The following CMIP variants were observed in gnomAD, a reference collection of about 807,000 sequenced individuals.
CMIP encodes c-Maf inducing protein.
CMIP carries 13 observed loss-of-function variants against 97.3 expected under a neutral mutation model. That is an observed-to-expected ratio of 0.13 (90% CI 0.09 to 0.21). The LOEUF (loss-of-function observed/expected upper bound fraction) is 0.21, where lower values mean the gene tolerates loss of function less well. CMIP is among the 10% of genes least tolerant of loss of function. The pLI is 1.00. For missense variants in CMIP, 847 were observed against 1,024.9 expected, an observed-to-expected ratio of 0.83 and a Z score of 2.37; for synonymous variants, 538 against 436.3, an observed-to-expected ratio of 1.23 and a Z score of -2.91.
At chr16:81,645,781 G>T (rs931571225) in intron 3 of CMIP, 1 of 652,014 alleles carries the variant, frequency 1.5e-6, no homozygotes, top group African/African-American at 1.8e-5. Context: ...TACAGAACTT[G>T]GTAGGTGAAA....
intron 2 of CMIP, among the ~76,000 whole-genome samples, chr16:81,613,211 G>T (rs2091860120): frequency 6.6e-6 from 1 of 152,200 alleles, no homozygotes. Flanking sequence ...TTAGTTTCAA[G>T]GTGAGGTCTC....
At chr16:81,557,429 T>C (rs2090787450) in intron 1 of CMIP, among the ~76,000 whole-genome samples, 1 of 152,246 alleles carries the variant, frequency 6.6e-6, no homozygotes. Context: ...CTCTTCGTTC[T>C]TTTTTTCTAA....
At chr16:81,452,344 A>T (rs1419240980) in intron 1 of CMIP, among the ~76,000 whole-genome samples, 2 of 152,086 alleles carry the variant, frequency 1.3e-5, no homozygotes, top group African/African-American at 4.8e-5. Context: ...CTTAGCATTG[A>T]TGTCAGGGTA....
chr16:81,522,012 G>T (rs2090038268), intron 1 of CMIP, among the ~76,000 whole-genome samples: 1 of 152,302 alleles, frequency 6.6e-6, no homozygotes, highest in East Asian at 1.9e-4. Flanking sequence ...TTTCAGAGGT[G>T]CTGTTACAAT....
intron 9 of CMIP, among the ~76,000 whole-genome samples, chr16:81,674,253 G>T (rs979012881): frequency 1.3e-5 from 2 of 152,110 alleles, no homozygotes; most frequent in Admixed American, 6.5e-5. Flanking sequence ...GCACGGTGAG[G>T]CAAAAAGAGG....
chr16:81,458,365 A>T (rs1457288528), intron 1 of CMIP, among the ~76,000 whole-genome samples: 1 of 152,178 alleles, frequency 6.6e-6, no homozygotes, highest in Admixed American at 6.5e-5. Flanking sequence ...GTCAGGGAGC[A>T]CTGCAAAGAC....
chr16:81,661,760 C>T (rs2092549644), intron 6 of CMIP, among the ~76,000 whole-genome samples: 1 of 152,152 alleles, frequency 6.6e-6, no homozygotes, highest in Non-Finnish European at 1.5e-5. Flanking sequence ...CCCCCCACCC[C>T]TCACCCCAGG....
intron 1 of CMIP, among the ~76,000 whole-genome samples, chr16:81,498,900 C>G (rs1355341914): frequency 6.6e-6 from 1 of 152,210 alleles, no homozygotes; most frequent in Non-Finnish European, 1.5e-5. Flanking sequence ...TGTGCGACCA[C>G]TCACCCACAC....
At chr16:81,683,101 G>T (rs1229971317) in intron 10 of CMIP, among the ~76,000 whole-genome samples, 1 of 152,180 alleles carries the variant, frequency 6.6e-6, no homozygotes, top group African/African-American at 2.4e-5. Context: ...CGCCAGGCCA[G>T]ACTCTATGCC....
chr16:81,532,455 A>C (rs1016141259), intron 1 of CMIP, among the ~76,000 whole-genome samples: 5 of 152,060 alleles, frequency 3.3e-5, no homozygotes, highest in African/African-American at 1.2e-4. Context: ...CAACAGATAA[A>C]TCCCTGAACT....
chr16:81,580,104 C>T (rs537322445), intron 1 of CMIP, among the ~76,000 whole-genome samples: 4 of 152,304 alleles, frequency 2.6e-5, no homozygotes, highest in South Asian at 2.1e-4. Flanking sequence ...GTTCATTCTC[C>T]CCTTAAGATG....
chr16:81,640,650 C>T (rs974282017), intron 3 of CMIP, among the ~76,000 whole-genome samples: 2 of 152,030 alleles, frequency 1.3e-5, no homozygotes, highest in African/African-American at 2.4e-5. Context: ...CTTTTCCTTG[C>T]CTCACCCAGC....
At chr16:81,701,952 C>G (rs1368477421) in intron 16 of CMIP, among the ~76,000 whole-genome samples, 152 bp downstream of exon 16, 1 of 152,220 alleles carries the variant, frequency 6.6e-6, no homozygotes, top group African/African-American at 2.4e-5. Flanking sequence ...CCACCTGCCA[C>G]TTTTCAGGTA....
At chr16:81,565,316 C>G (rs1291345623) in intron 1 of CMIP, among the ~76,000 whole-genome samples, 2 of 152,296 alleles carry the variant, frequency 1.3e-5, no homozygotes, top group Non-Finnish European at 2.9e-5. Flanking sequence ...AGAGGAGCCT[C>G]TCTCCCTGTT....
intron 1 of CMIP, chr16:81,518,835 A>AT (rs35435211): frequency 0.24 from 29,650 of 123,326 alleles, 4,852 homozygotes; most frequent in African/African-American, 0.44. Context: ...CTGCATCTCT[A>AT]TTTTTTTTTT....
At chr16:81,450,051 G>A (rs1409555904) in intron 1 of CMIP, among the ~76,000 whole-genome samples, 1 of 152,204 alleles carries the variant, frequency 6.6e-6, no homozygotes, top group African/African-American at 2.4e-5. Flanking sequence ...GACTGATGTG[G>A]CGGCCCTGCC....
At chr16:81,567,741 C>T (rs2091008341) in intron 1 of CMIP, among the ~76,000 whole-genome samples, 1 of 152,248 alleles carries the variant, frequency 6.6e-6, no homozygotes, top group Non-Finnish European at 1.5e-5. Flanking sequence ...ACAGAACTGA[C>T]CACCTTCTAA....
chr16:81,698,384 G>T (rs1907003229), intron 14 of CMIP, among the ~76,000 whole-genome samples: 1 of 152,218 alleles, frequency 6.6e-6, no homozygotes, highest in Admixed American at 6.5e-5. Flanking sequence ...AGCAGGATTT[G>T]CCAATTCTTG....
intron 1 of CMIP, among the ~76,000 whole-genome samples, chr16:81,570,385 T>C (rs2091065485): frequency 6.6e-6 from 1 of 152,078 alleles, no homozygotes; most frequent in Non-Finnish European, 1.5e-5. Context: ...GGAAGCACAC[T>C]GGCGGTGAAC....
Sources: gnomAD v4.1 joint callset for allele counts (sites outside exome capture counted in the v4.1 genomes callset) on GRCh38, gnomAD v4.1.1 for gene constraint, MANE v1.5 for transcripts, NCBI Gene and HGNC (gene_info 2026-07-23, HGNC 2026-07-21) for gene names.